SFI1: variants seen among roughly 807,000 people sequenced by gnomAD.
SFI1 encodes SFI1 centrin binding protein.
SFI1 carries 195 observed loss-of-function variants against 207.5 expected under a neutral mutation model. The ratio of observed to expected loss-of-function variants is 0.94; its 90% confidence interval spans 0.84 to 1.06. The LOEUF is 1.06. SFI1 is among the 50% of genes least tolerant of loss of function. The pLI, the probability that SFI1 is intolerant of heterozygous loss-of-function variation, is 0.00. For synonymous variants in SFI1, 630 were observed against 598.9 expected, an observed-to-expected ratio of 1.05 and a Z score of -0.76; for missense variants, 1,634 against 1,588.0, an observed-to-expected ratio of 1.03 and a Z score of -0.49.
At chr22:31,611,120 ACT>A (rs755664964) in intron 22 of SFI1, 21 bp from the exon 23 acceptor site, 172 of 1,613,798 alleles carry the variant, frequency 1.1e-4, no homozygotes, top group Non-Finnish European at 1.4e-4. Context: ...AAAACAGCAA[ACT>A]CTGACTTGGA....
At chr22:31,604,282 G>T in intron 18 of SFI1, 27 bp from the exon 19 acceptor site, 1 of 1,549,214 alleles carries the variant, frequency 6.5e-7, no homozygotes, top group East Asian at 2.4e-5. Flanking sequence ...CCCAGCCCAC[G>T]GTAGCTGCTT....
intron 8 of SFI1, among the ~76,000 whole-genome samples, chr22:31,564,106 T>A (rs1319596124): frequency 6.6e-6 from 1 of 151,560 alleles, no homozygotes; most frequent in African/African-American, 2.4e-5. Flanking sequence ...GGTGGGCGGA[T>A]CATGAGGTCA....
intron 15 of SFI1, among the ~76,000 whole-genome samples, chr22:31,598,310 A>G (rs571298017): frequency 2.4e-4 from 37 of 151,582 alleles, no homozygotes; most frequent in Non-Finnish European, 5.9e-5. Context: ...ATGCACCTAT[A>G]TAATCAACAC....
At chr22:31,612,394 A>ATACATATATATAT (rs1367477107) in intron 24 of SFI1, 57 of 107,342 alleles carry the variant, frequency 5.3e-4, no homozygotes, top group African/African-American at 2.1e-3. Context: ...AAAAAAAAAA[A>ATACATATATATAT]AAAAATATAT....
At chr22:31,587,556 C>T (rs2065202749) in intron 14 of SFI1, 1 of 165,466 alleles carries the variant, frequency 6.0e-6, no homozygotes, top group South Asian at 1.5e-4. Flanking sequence ...CTGCCTGCCT[C>T]AGCATCCCAA....
chr22:31,591,381 A>G (rs1418669448), intron 15 of SFI1, among the ~76,000 whole-genome samples: 1 of 152,178 alleles, frequency 6.6e-6, no homozygotes, highest in Non-Finnish European at 1.5e-5. Flanking sequence ...CCACACAGAC[A>G]CGGCAACCAT....
chr22:31,578,219 C>T, intron 10 of SFI1, 163 bp from the exon 11 acceptor site: 2 of 456,936 alleles, frequency 4.4e-6, no homozygotes, highest in Admixed American at 7.7e-5. Flanking sequence ...TTTCCCTTTG[C>T]CCACTGCTTC....
At chr22:31,608,099 T>G in intron 22 of SFI1, 66 bp downstream of exon 22, 3 of 1,303,786 alleles carry the variant, frequency 2.3e-6, no homozygotes, top group Admixed American at 3.5e-5. Flanking sequence ...TGGAGATCCC[T>G]GTGGCCCGCA....
In SFI1 at chr22:31,580,227, A is replaced by G. The variant is rs781666521; in HGVS notation, c.1156-45A>G. Reference sequence around the variant, plus strand: ...CCTCTACTCTTAGTTTACAGACTCTACTGATCCCAGTCCTTGTAATCAGTT... The same window carrying G: ...CCTCTACTCTTAGTTTACAGACTCTGCTGATCCCAGTCCTTGTAATCAGTT... On this transcript the variant is annotated intron_variant, in intron 11 of 32. Transcript: ENST00000400288. 14 of 1,503,184 alleles carry G rather than the reference A, an allele frequency of 9.3e-6. No individual in the cohort carries two copies. The East Asian group carries it at 2.3e-4, about 24-fold the overall frequency. The allele number at this position is 1,503,184 out of a possible 1,614,324, so 93.1% of individuals were successfully genotyped here.
At chr22:31,534,106 A>G (rs554576902) in intron 4 of SFI1, among the ~76,000 whole-genome samples, 1 of 152,114 alleles carries the variant, frequency 6.6e-6, no homozygotes, top group East Asian at 1.9e-4. Context: ...ATAAAGCATT[A>G]TTACTCTCAT....
chr22:31,556,211 ATTTT>A (rs34969911), intron 6 of SFI1, among the ~76,000 whole-genome samples: 1 of 148,792 alleles, frequency 6.7e-6, no homozygotes, highest in Non-Finnish European at 1.5e-5. Context: ...TACAATTGAA[ATTTT>A]TTTTTCTTTT....
At chr22:31,575,120 GT>G (rs2063348225) in intron 9 of SFI1, 110 bp from the exon 10 acceptor site, 5 of 637,148 alleles carry the variant, frequency 7.8e-6, no homozygotes, top group African/African-American at 1.9e-5. Context: ...GTGTGTGTGT[GT>G]GGCCTTGAAC....
At chr22:31,527,637 C>T (rs1006039140) in intron 2 of SFI1, among the ~76,000 whole-genome samples, 2 of 152,010 alleles carry the variant, frequency 1.3e-5, no homozygotes, top group Non-Finnish European at 2.9e-5. Context: ...TGTGTACATA[C>T]GTGTGCTTTA....
chr22:31,566,120 A>ATT (rs59506981), intron 8 of SFI1, among the ~76,000 whole-genome samples: 1,470 of 139,480 alleles, frequency 0.011, 29 homozygotes, highest in East Asian at 0.051. Context: ...TTCTTTTTCT[A>ATT]TTTTTTTTTT....
intron 2 of SFI1, among the ~76,000 whole-genome samples, chr22:31,516,163 A>G (rs1455466954): frequency 1.3e-5 from 2 of 152,004 alleles, no homozygotes; most frequent in African/African-American, 2.4e-5. Flanking sequence ...TGTATGTTTT[A>G]TGTGTGATAA....
At chr22:31,547,723 G>A (rs1003245703) in intron 5 of SFI1, among the ~76,000 whole-genome samples, 11 of 151,362 alleles carry the variant, frequency 7.3e-5, no homozygotes, top group African/African-American at 2.7e-4. Context: ...GGGTTCAAGT[G>A]ATTCTCCTGC....
At chr22:31,576,770 G>A (rs1476156479) in intron 10 of SFI1, among the ~76,000 whole-genome samples, 1 of 151,784 alleles carries the variant, frequency 6.6e-6, no homozygotes, top group Non-Finnish European at 1.5e-5. Flanking sequence ...CCCACGAGTA[G>A]CTGGGATTAC....
intron 8 of SFI1, among the ~76,000 whole-genome samples, chr22:31,571,478 A>T (rs571170460): frequency 1.2e-4 from 18 of 149,880 alleles, no homozygotes; most frequent in Admixed American, 9.3e-4. Context: ...ATGCCTGGCT[A>T]ATTTTTTTTT....
At chr22:31,595,461 A>T (rs1341153715) in intron 15 of SFI1, among the ~76,000 whole-genome samples, 2 of 152,242 alleles carry the variant, frequency 1.3e-5, no homozygotes, top group Non-Finnish European at 2.9e-5. Flanking sequence ...GTTCAAAATG[A>T]TAAATGGTAA....
Sources: allele counts gnomAD v4.1 joint callset (sites outside exome capture counted in the v4.1 genomes callset), GRCh38; gene constraint gnomAD v4.1.1; transcripts MANE v1.5; gene names NCBI Gene and HGNC (gene_info 2026-07-23, HGNC 2026-07-21).